Variants in MAST1 observed in about 807,000 individuals in gnomAD.
MAST1 encodes microtubule-associated serine/threonine-protein kinase 1.
Under a neutral mutation model 124.6 loss-of-function variants are expected in MAST1, and 40 were observed. The observed-to-expected ratio is 0.32, with a 90% CI of 0.25 to 0.42. The LOEUF is 0.42. MAST1 is among the 10% of genes least tolerant of loss of function. MAST1 has a pLI of 1.00. For synonymous variants in MAST1, 938 were observed against 939.4 expected (o/e 1.00, Z 0.03); for missense variants, 1,558 against 2,181.9 (o/e 0.71, Z 5.70).
At chr19:12,867,445 C>CT in intron 18 of MAST1, 29 bp from the exon 19 acceptor site, 1 of 1,611,182 alleles carries the variant, frequency 6.2e-7, no homozygotes, top group Non-Finnish European at 8.5e-7. Context: ...GGAACCCGGG[C>CT]TGGACTTGCC....
rs755878078 is a variant in MAST1, at chr19:12,874,248, G to A, written c.4091G>A (p.Gly1364Glu). ...TCGAGCAAGGAGAAGGAATCCCCGG[G>A]GGGCGCCGAGGCGTGCACCCCACCC... ...PVSSKEKESP[G>E]GAEACTPPRA... Residue 1364 changes from glycine (G) to glutamate (E), a missense_variant, in exon 26 of 26, where the codon GGG (glycine) becomes GAG (glutamate). Around this residue, in one of 10 missense-constraint regions of MAST1, gnomAD observed 263 missense variants for 310.9 expected, o/e 0.85. Coordinates refer to ENST00000251472, the MANE Select transcript of MAST1 (RefSeq NM_014975.3). The surrounding 1 kb of genome is among the most constrained non-coding windows in gnomAD (Gnocchi z 6.6). The A allele has an allele frequency of 3.6e-5, 56 of 1,563,790 alleles. No homozygotes were observed. The East Asian group carries it at 1.3e-3, about 35-fold the overall frequency.
At position 12,869,285 on chromosome 19, in the gene MAST1, ACAT is replaced by A; in HGVS notation, c.2994_2996del (p.Ile999del). The A allele has an allele frequency of 6.2e-7, 1 of 1,613,412 alleles. No homozygotes were observed. Among genetic ancestry groups the A allele is most frequent in the Non-Finnish European group, 8.5e-7 (1 of 1,179,634 alleles). On this transcript the variant is annotated inframe_deletion, in exon 22 of 26. Coordinates refer to ENST00000251472, the MANE Select transcript of MAST1 (RefSeq NM_014975.3). Reference sequence around the variant, plus strand: ...GACACGGATGTCTATAGTGTCCACCACATTGTCTGGGTGAGTACTCATGGGTGG... The same window carrying A: ...GACACGGATGTCTATAGTGTCCACCATGTCTGGGTGAGTACTCATGGGTGG...
chr19:12,865,172 C>T lies in MAST1; in HGVS notation c.1632C>T (p.Asp544=). Residue 544 remains aspartate, a synonymous_variant, in exon 14 of 26, where the codon GAC becomes GAT. Coordinates refer to ENST00000251472, the MANE Select transcript of MAST1 (RefSeq NM_014975.3). The surrounding 1 kb of genome is among the most constrained non-coding windows in gnomAD (Gnocchi z 7.1). ...HIEKDAREFL[D]KQVCGTPEYI... ...AGAAGGACGCCCGAGAGTTCCTGGA[C>T]AAACAGGTGTGTGTGCGGGCATGGG... The T allele has an allele frequency of 6.2e-7, 1 of 1,613,866 alleles. No individual in the cohort carries two copies. The highest frequency in any genetic ancestry group is 8.5e-7 in the Non-Finnish European group (1 of 1,179,888).
chr19:12,848,055 G>T lies in MAST1; in HGVS notation c.772G>T (p.Asp258Tyr). Reference sequence around the variant, plus strand: ...GGAGAACCTGGAGAAGCTCCTTCAAGACGTGAGTGCACGCGGAGGCCGGGC... The same window carrying T: ...GGAGAACCTGGAGAAGCTCCTTCAATACGTGAGTGCACGCGGAGGCCGGGC... ...LQENLEKLLQ[D>Y]AYERSESLEV... The change falls in exon 7 of 26, where the codon GAC (aspartate) becomes TAC (tyrosine). Residue 258 changes from aspartate to tyrosine, a missense_variant and splice_region_variant. Coordinates refer to ENST00000251472, the MANE Select transcript of MAST1 (RefSeq NM_014975.3). 6.2e-7 allele frequency: 1 copy of T among 1,613,490 alleles called. No individual in the cohort carries two copies. The highest frequency in any genetic ancestry group is 8.5e-7 in the Non-Finnish European group (1 of 1,179,770).
At chr19:12,849,892 G>T (rs1330694866) in intron 7 of MAST1, among the ~76,000 whole-genome samples, 5 of 151,900 alleles carry the variant, frequency 3.3e-5, no homozygotes, top group African/African-American at 4.8e-5. Context: ...CCACCTCTCA[G>T]GTTCAAGCCA....
chr19:12,858,312 C>T lies in MAST1; in HGVS notation c.1078-50C>T, dbSNP rs1247761485. On this transcript the variant is annotated intron_variant, in intron 10 of 25. Coordinates refer to ENST00000251472, the MANE Select transcript of MAST1 (RefSeq NM_014975.3). Reference sequence around the variant, plus strand: ...ATGTGTAAAATGAAATTAAAAGCATCCTGCTCTCATGATGATGATGGTGGT... The same window carrying T: ...ATGTGTAAAATGAAATTAAAAGCATTCTGCTCTCATGATGATGATGGTGGT... 4.7e-6 allele frequency: 7 copies of T among 1,495,054 alleles called. No individual in the cohort carries two copies. In the Admixed American group the frequency reaches 7.3e-5, roughly 16 times the overall value. 92.6% of individuals were successfully genotyped at this position (1,495,054 alleles called of 1,614,324 possible). A position where few individuals can be genotyped will look rare whatever the true frequency, so the allele number is the denominator to read the frequency against.
Position 12,867,711 on chromosome 19 carries a change from C to G in MAST1, c.2319-19C>G. On this transcript the variant is annotated intron_variant, in intron 19 of 25. Coordinates refer to ENST00000251472, the MANE Select transcript of MAST1 (RefSeq NM_014975.3). ...GTCGAAGGGGGCGTGTCTTCCATAA[C>G]CACGCCCCCTCCATGCAGCAAGCGA... The G allele has an allele frequency of 6.5e-7, 1 of 1,532,650 alleles. No homozygotes were observed. Among genetic ancestry groups the G allele is most frequent in the Non-Finnish European group, 8.8e-7 (1 of 1,140,648 alleles). 94.9% of individuals were successfully genotyped at this position (1,532,650 alleles called of 1,614,324 possible).
Position 12,852,040 on chromosome 19 carries a change from G to C in MAST1, c.876+5G>C, listed in dbSNP as rs2145895120. On this transcript the variant is annotated splice_donor_5th_base_variant and intron_variant, in intron 8 of 25. Coordinates refer to ENST00000251472, the MANE Select transcript of MAST1 (RefSeq NM_014975.3). ...GCGAGGCTGCTGGAGTGCCTGGTGA[G>C]GGGGCTGGGCATGGGTAGGGGTGGG... 1 of 1,614,040 alleles carries C rather than the reference G, an allele frequency of 6.2e-7. No homozygotes were observed.
chr19:12,848,066 A>C lies in MAST1; in HGVS notation c.774+9A>C. The C allele has an allele frequency of 1.2e-6, 2 of 1,612,046 alleles. No individual in the cohort carries two copies. Among genetic ancestry groups the C allele is most frequent in the Non-Finnish European group, 1.7e-6 (2 of 1,179,078 alleles). The stretch of plus-strand genomic sequence containing the variant: ...AGAAGCTCCTTCAAGACGTGAGTGC[A>C]CGCGGAGGCCGGGCTGATCTCAGGC... On this transcript the variant is annotated intron_variant, in intron 7 of 25. Coordinates refer to ENST00000251472, the MANE Select transcript of MAST1 (RefSeq NM_014975.3).
rs1969813757 is a variant in MAST1, at chr19:12,840,626, C to A, written c.172+92C>A. The A allele has an allele frequency of 4.2e-6, 4 of 961,128 alleles. No individual in the cohort carries two copies. The African/African-American group carries it at 4.9e-5, about 12-fold the overall frequency. 59.5% of individuals were successfully genotyped at this position (961,128 alleles called of 1,614,324 possible). A position where few individuals can be genotyped will look rare whatever the true frequency, so the allele number is the denominator to read the frequency against. On this transcript the variant is annotated intron_variant, in intron 2 of 25. Transcript: ENST00000251472. ...AAGCGTGGTCATGCTACAGAAGGGGCGCAGTTTGAATGGAGGCGAACCAGT... is the reference window on the plus strand; with the variant it reads ...AAGCGTGGTCATGCTACAGAAGGGGAGCAGTTTGAATGGAGGCGAACCAGT...
rs144737290 is a variant in MAST1, at chr19:12,851,300, C to G, written c.775-634C>G. On this transcript the variant is annotated intron_variant, in intron 7 of 25. Coordinates refer to ENST00000251472, the MANE Select transcript of MAST1 (RefSeq NM_014975.3). ...TTTTTTTGAGACAGGGTCTCTCTCT[C>G]TGTCACCCAGGCAGGAGTGCAGTGG... Among the ~76,000 whole-genome samples the G allele has an allele frequency of 6.7e-5, 10 of 148,510 alleles. No homozygotes were observed. In the East Asian group the frequency reaches 1.8e-3, roughly 27 times the overall value.
In MAST1 at chr19:12,867,641, C is replaced by G. The variant is rs758545036; in HGVS notation, c.2307C>G (p.Gly769=). ...TGCGTGAGAAGACCTGGAGAGGGGGCTCTCCGGAGATGTGAGCAGGGGAAT... is the reference window on the plus strand; with the variant it reads ...TGCGTGAGAAGACCTGGAGAGGGGGGTCTCCGGAGATGTGAGCAGGGGAAT... ...LTLREKTWRG[G]SPEIKRFSAS... is the part of the protein sequence containing the mutation. Residue 769 remains glycine, a synonymous_variant, in exon 19 of 26, where the codon GGC becomes GGG. Coordinates refer to ENST00000251472, the MANE Select transcript of MAST1 (RefSeq NM_014975.3). 3 of 1,598,702 alleles carry G rather than the reference C, an allele frequency of 1.9e-6. No individual in the cohort carries two copies. The highest frequency in any genetic ancestry group is 2.6e-6 in the Non-Finnish European group (3 of 1,173,058).
intron 12 of MAST1, among the ~76,000 whole-genome samples, chr19:12,859,276 C>T (rs1006579960): frequency 1.1e-4 from 17 of 152,074 alleles, no homozygotes; most frequent in Admixed American, 3.3e-4. Context: ...GACAGGATTT[C>T]GCCATGTTTG....
intron 3 of MAST1, among the ~76,000 whole-genome samples, chr19:12,842,202 A>G (rs1164065747): frequency 2.6e-5 from 4 of 151,942 alleles, no homozygotes; most frequent in East Asian, 3.9e-4. Context: ...TGAGCGTGCA[A>G]TCTGTGTGTG....
chr19:12,858,816 C>T (rs765114806), intron 12 of MAST1, 77 bp downstream of exon 12: 134 of 1,414,688 alleles, frequency 9.5e-5, no homozygotes, highest in Non-Finnish European at 1.2e-4. Context: ...CTGCCTGAGC[C>T]GCAGTCTCCA....
rs1378481051 is a variant in MAST1, at chr19:12,866,327, G to A, written c.2029+225G>A. On this transcript the variant is annotated intron_variant, in intron 17 of 25. Coordinates refer to ENST00000251472, the MANE Select transcript of MAST1 (RefSeq NM_014975.3). The surrounding 1 kb of genome is among the most constrained non-coding windows in gnomAD (Gnocchi z 5.2). Reference sequence around the variant, plus strand: ...GAACCTGAGATTGGGCTAGGTGTGGGGCCTGGCCTGGGTGAGTTGTGAGTG... The same window carrying A: ...GAACCTGAGATTGGGCTAGGTGTGGAGCCTGGCCTGGGTGAGTTGTGAGTG... Among the ~76,000 whole-genome samples the A allele has an allele frequency of 6.6e-6, 1 of 152,136 alleles. No individual in the cohort carries two copies. The highest frequency in any genetic ancestry group is 1.9e-4 in the East Asian group (1 of 5,192).
rs748550376 is a variant in MAST1, at chr19:12,866,812, G to T, written c.2139+50G>T. ...AGGGCGAGACCCCAGGAGGGATGGG[G>T]CTTGGAGAGACAGTGAGAAACAGGT... On this transcript the variant is annotated intron_variant, in intron 18 of 25. Coordinates refer to ENST00000251472, the MANE Select transcript of MAST1 (RefSeq NM_014975.3). The surrounding 1 kb of genome is among the most constrained non-coding windows in gnomAD (Gnocchi z 5.2). 12 of 1,464,188 alleles carry T rather than the reference G, an allele frequency of 8.2e-6. No homozygotes were observed. The Admixed American group carries it at 1.5e-4, about 18-fold the overall frequency. 90.7% of individuals were successfully genotyped at this position (1,464,188 alleles called of 1,614,324 possible). A position where few individuals can be genotyped will look rare whatever the true frequency, so the allele number is the denominator to read the frequency against.
chr19:12,850,981 T>A (rs1331641938), intron 7 of MAST1, among the ~76,000 whole-genome samples: 1 of 150,116 alleles, frequency 6.7e-6, no homozygotes. Context: ...ACAGTCTCAC[T>A]CTGCTACCCA....
In MAST1 at chr19:12,874,217, C is replaced by T; in HGVS notation, c.4060C>T (p.Pro1354Ser). Residue 1354 changes from proline (P) to serine (S), a missense_variant, in exon 26 of 26, where the codon CCA (proline) becomes TCA (serine). Around this residue, in one of 10 missense-constraint regions of MAST1, gnomAD observed 263 missense variants for 310.9 expected, o/e 0.85. Transcript: ENST00000251472. This position sits in a 1 kb window ranked among gnomAD's most constrained non-coding sequence, Gnocchi z 6.6. ...PLLPEGASRPPVSSKEKESPG... is the reference protein window; with the variant it reads ...PLLPEGASRPSVSSKEKESPG... ...GCTGCCCGAGGGTGCCTCCAGGCCA[C>T]CAGTGTCGAGCAAGGAGAAGGAATC... 1 of 1,546,828 alleles carries T rather than the reference C, an allele frequency of 6.5e-7. No individual in the cohort carries two copies. Among genetic ancestry groups the T allele is most frequent in the Non-Finnish European group, 8.7e-7 (1 of 1,148,886 alleles).
Sources: allele counts gnomAD v4.1 joint callset (sites outside exome capture counted in the v4.1 genomes callset), GRCh38; gene constraint gnomAD v4.1.1; regional missense constraint gnomAD v4.1.1; non-coding constraint Gnocchi (gnomAD v3.1); transcripts MANE v1.5; gene names NCBI Gene and HGNC (gene_info 2026-07-23, HGNC 2026-07-21).